Variants in SLC22A24 observed in about 807,000 individuals in gnomAD.
SLC22A24 encodes solute carrier family 22 member 24.
In SLC22A24, 53 loss-of-function variants were observed where a neutral mutation model predicts 49.8. That is an observed-to-expected ratio of 1.06 (90% confidence interval 0.85 to 1.34). The LOEUF (loss-of-function observed/expected upper bound fraction) is 1.34. Ranked by LOEUF, SLC22A24 falls within the 40% of genes most tolerant of loss-of-function variation. SLC22A24 has a pLI of 0.00. For missense variants in SLC22A24, 786 were observed against 675.9 expected (o/e 1.16, Z -1.81); for synonymous variants, 302 against 256.4 (o/e 1.18, Z -1.70).
intron 2 of SLC22A24, among the ~76,000 whole-genome samples, chr11:63,119,948 G>A (rs941621051): frequency 1.1e-4 from 16 of 151,726 alleles, no homozygotes; most frequent in South Asian, 2.1e-4. Flanking sequence ...CATGTCCTTC[G>A]CCCACTTTTT....
chr11:63,119,540 A>G (rs2087237066), intron 2 of SLC22A24, among the ~76,000 whole-genome samples: 1 of 152,180 alleles, frequency 6.6e-6, no homozygotes. Context: ...GTGTTGTCAA[A>G]GCTCTCACCA....
intron 1 of SLC22A24, among the ~76,000 whole-genome samples, chr11:63,135,452 TC>T (rs780712309): frequency 1.3e-5 from 2 of 152,224 alleles, no homozygotes; most frequent in Non-Finnish European, 2.9e-5. Context: ...AAATTATAGG[TC>T]TTTCTCCCTA....
In SLC22A24 at chr11:63,119,180, C is replaced by T. The variant is rs1310898629; in HGVS notation, c.661+1G>A. On this transcript the variant is annotated splice_donor_variant, in intron 3 of 9. Transcript: ENST00000612278. LOFTEE classifies it high-confidence loss of function. Reference sequence around the variant, plus strand: ...ATAAAATGCTCAAATTATTGACTTACTGAGAATAAAAGTGTTTCCCAAAAT... The same window carrying T: ...ATAAAATGCTCAAATTATTGACTTATTGAGAATAAAAGTGTTTCCCAAAAT... 11 of 1,537,222 alleles carry T rather than the reference C, an allele frequency of 7.2e-6. No homozygotes were observed. Among genetic ancestry groups the T allele is most frequent in the Non-Finnish European group, 9.6e-6 (11 of 1,141,434 alleles).
At chr11:63,088,872 A>G (rs1324036323) in intron 6 of SLC22A24, among the ~76,000 whole-genome samples, 2 of 152,276 alleles carry the variant, frequency 1.3e-5, no homozygotes, top group Non-Finnish European at 2.9e-5. Flanking sequence ...AGAAAAGATT[A>G]GAGAAAAAAG....
At chr11:63,095,812 T>C (rs2087050572) in intron 6 of SLC22A24, among the ~76,000 whole-genome samples, 179 bp downstream of exon 6, 2 of 152,244 alleles carry the variant, frequency 1.3e-5, no homozygotes, top group African/African-American at 4.8e-5. Flanking sequence ...TAGGTCCCAC[T>C]GTCCTGTCAT....
At chr11:63,113,217 T>TATATATATACATATATATATACACAC (rs1565332369) in intron 4 of SLC22A24, among the ~76,000 whole-genome samples, 1 of 1,604 alleles carries the variant, frequency 6.2e-4, no homozygotes, top group African/African-American at 7.8e-4. Flanking sequence ...TATATACACA[T>TATATATATACATATATATATACACAC]ATATATATAT....
At position 63,081,508 on chromosome 11, in the gene SLC22A24, T is replaced by G. The variant is rs1410378337; in HGVS notation, c.1394+50A>C. 2.3e-6 allele frequency: 3 copies of G among 1,287,014 alleles called. No individual in the cohort carries two copies. In the African/African-American group the frequency reaches 4.4e-5, roughly 19 times the overall value. The allele number at this position is 1,287,014 out of a possible 1,614,324, so 79.7% of individuals were successfully genotyped here. On this transcript the variant is annotated intron_variant, in intron 8 of 9. Transcript: ENST00000612278. ...GTCTTTCATTCACAATGAATATCAA[T>G]AAATTCAGAAATTTGTGTTTTGAAA...
chr11:63,106,926 TA>T (rs1180826201), intron 4 of SLC22A24, among the ~76,000 whole-genome samples: 1 of 152,202 alleles, frequency 6.6e-6, no homozygotes, highest in Non-Finnish European at 1.5e-5. Context: ...AGAAGCTCTT[TA>T]GTTTAATTAG....
rs2087107286 is a variant in SLC22A24, at chr11:63,104,235, C to T, written c.894G>A (p.Glu298=). Residue 298 remains glutamate, a synonymous_variant, in exon 5 of 10, where the codon GAG becomes GAA. Transcript: ENST00000612278. ...CATTTATGTGTGCAACTCTTCTAAG[C>T]TCCTTTAAGCCCTCATCTAGCTGAT... is the stretch of plus-strand genomic sequence containing the variant. ...INNQLDEGLK[E]LRRVAHINGK... 1 of 1,550,680 alleles carries T rather than the reference C, an allele frequency of 6.4e-7. No homozygotes were observed.
chr11:63,128,056 TAAG>T (rs1476576185), intron 2 of SLC22A24, among the ~76,000 whole-genome samples: 11 of 151,856 alleles, frequency 7.2e-5, no homozygotes, highest in South Asian at 2.1e-4. Flanking sequence ...ATATATAAAA[TAAG>T]AAGAGTTATA....
chr11:63,089,833 G>T (rs956285926), intron 6 of SLC22A24, among the ~76,000 whole-genome samples: 2 of 152,092 alleles, frequency 1.3e-5, no homozygotes, highest in Non-Finnish European at 1.5e-5. Context: ...TGTAATCCCA[G>T]CACTTTGGGA....
intron 9 of SLC22A24, 23 bp from the exon 10 acceptor site, chr11:63,080,023 A>G: frequency 6.9e-7 from 1 of 1,451,166 alleles, no homozygotes; most frequent in African/African-American, 1.4e-5. Flanking sequence ...AATGCAAACA[A>G]AAACAAGATT....
intron 6 of SLC22A24, among the ~76,000 whole-genome samples, chr11:63,088,114 C>T (rs1488805589): frequency 6.6e-6 from 1 of 152,192 alleles, no homozygotes; most frequent in Non-Finnish European, 1.5e-5. Context: ...TCCCTGACCC[C>T]CACGCCTCCT....
intron 4 of SLC22A24, among the ~76,000 whole-genome samples, chr11:63,108,934 G>T (rs1348357048): frequency 6.9e-6 from 1 of 144,368 alleles, no homozygotes; most frequent in African/African-American, 2.5e-5. Context: ...CCATGCTGGT[G>T]TGCTGCACCC....
At chr11:63,109,981 A>G (rs1184065518) in intron 4 of SLC22A24, among the ~76,000 whole-genome samples, 3 of 152,060 alleles carry the variant, frequency 2.0e-5, no homozygotes, top group African/African-American at 7.2e-5. Context: ...ATGGTTTTAG[A>G]TCTAACGTTT....
intron 2 of SLC22A24, among the ~76,000 whole-genome samples, chr11:63,123,964 G>C (rs985794779): frequency 2.6e-5 from 4 of 152,138 alleles, no homozygotes; most frequent in African/African-American, 7.2e-5. Context: ...TAAAGATCGA[G>C]AAATTTACTG....
intron 1 of SLC22A24, 94 bp from the exon 2 acceptor site, chr11:63,134,862 A>C: frequency 1.2e-6 from 1 of 800,526 alleles, no homozygotes; most frequent in Non-Finnish European, 2.0e-6. Context: ...GGTGTACACA[A>C]TCCTCTGCTA....
intron 4 of SLC22A24, among the ~76,000 whole-genome samples, chr11:63,111,359 T>C (rs371724492): frequency 6.6e-6 from 1 of 152,030 alleles, no homozygotes; most frequent in East Asian, 1.9e-4. Flanking sequence ...TGATGCTGGC[T>C]TCATAAAATG....
chr11:63,134,904 T>C, intron 1 of SLC22A24, 136 bp from the exon 2 acceptor site: 1 of 577,662 alleles, frequency 1.7e-6, no homozygotes, highest in Non-Finnish European at 3.1e-6. Flanking sequence ...CAGCTTCATC[T>C]GCAGGTACTC....
Sources: gnomAD v4.1 joint callset for allele counts (sites outside exome capture counted in the v4.1 genomes callset) on GRCh38, gnomAD v4.1.1 for gene constraint, MANE v1.5 for transcripts, NCBI Gene and HGNC (gene_info 2026-07-23, HGNC 2026-07-21) for gene names.